GPC6: variants seen among roughly 807,000 people sequenced by gnomAD.
GPC6 encodes glypican-6.
GPC6 carries 14 observed loss-of-function variants against 55.2 expected under a neutral mutation model. The observed-to-expected ratio is 0.25, with a 90% CI of 0.17 to 0.40. GPC6 has a LOEUF of 0.40. Among genes scored for constraint, GPC6 ranks in the 10% least tolerant of loss-of-function variants. The pLI is 1.00. For missense variants in GPC6, 641 were observed against 708.5 expected, an observed-to-expected ratio of 0.90 and a Z score of 1.08; for synonymous variants, 278 against 259.6, an observed-to-expected ratio of 1.07 and a Z score of -0.68.
At chr13:94,217,540 C>T (rs1033854212) in intron 4 of GPC6, among the ~76,000 whole-genome samples, 1 of 152,138 alleles carries the variant, frequency 6.6e-6, no homozygotes, top group African/African-American at 2.4e-5. Context: ...ACGGCCCCAG[C>T]GACAGTTGGG....
intron 4 of GPC6, among the ~76,000 whole-genome samples, chr13:94,149,989 A>AAG (rs112207992): frequency 0.22 from 32,973 of 151,870 alleles, 4,493 homozygotes; most frequent in African/African-American, 0.39. Flanking sequence ...CTCAGGAAAA[A>AAG]AGGTATAGGC....
chr13:93,615,928 G>T (rs1878698280), intron 2 of GPC6, among the ~76,000 whole-genome samples: 1 of 152,226 alleles, frequency 6.6e-6, no homozygotes. Context: ...TCACTCAGTA[G>T]TAACTAAACT....
At chr13:93,331,996 A>G (rs1243481197) in intron 1 of GPC6, among the ~76,000 whole-genome samples, 1 of 151,556 alleles carries the variant, frequency 6.6e-6, no homozygotes, top group Non-Finnish European at 1.5e-5. Flanking sequence ...TTCACTTAAC[A>G]TGATGTCCTC....
intron 3 of GPC6, among the ~76,000 whole-genome samples, chr13:93,901,086 T>C (rs1174108237): frequency 1.3e-5 from 2 of 152,178 alleles, no homozygotes; most frequent in Non-Finnish European, 2.9e-5. Flanking sequence ...GCAGACTTTT[T>C]ATATTCATAT....
At chr13:93,505,837 G>A (rs1880691631) in intron 1 of GPC6, among the ~76,000 whole-genome samples, 1 of 152,186 alleles carries the variant, frequency 6.6e-6, no homozygotes, top group East Asian at 1.9e-4. Context: ...GAATGACTAT[G>A]AAAGTGCTGT....
intron 2 of GPC6, among the ~76,000 whole-genome samples, chr13:93,670,539 G>A (rs1324183034): frequency 1.1e-4 from 16 of 152,160 alleles, no homozygotes; most frequent in Non-Finnish European, 1.8e-4. Context: ...GTCATATAAT[G>A]TGTGGGAATG....
intron 1 of GPC6, among the ~76,000 whole-genome samples, chr13:93,278,312 C>G (rs1434404040): frequency 6.6e-6 from 1 of 152,184 alleles, no homozygotes; most frequent in Middle Eastern, 3.4e-3. Flanking sequence ...GCCATCTTAA[C>G]CATTTTTAAG....
intron 2 of GPC6, among the ~76,000 whole-genome samples, chr13:93,812,047 T>C (rs923732851): frequency 2.6e-5 from 4 of 151,528 alleles, no homozygotes; most frequent in Non-Finnish European, 5.9e-5. Context: ...GTGTTATATT[T>C]AGGTCTCAGT....
At position 94,082,397 on chromosome 13, in the gene GPC6, A is replaced by G. The variant is rs184683096; in HGVS notation, c.877+54503A>G. Among the ~76,000 whole-genome samples, 56 of 152,170 alleles carry G rather than the reference A, an allele frequency of 3.7e-4. 1 individual carries two copies. Among genetic ancestry groups the G allele is most frequent in the African/African-American group, 1.3e-3 (54 of 41,526 alleles). On this transcript the variant is annotated intron_variant, in intron 4 of 8. Coordinates refer to ENST00000377047, the MANE Select transcript of GPC6 (RefSeq NM_005708.5). Reference sequence around the variant, plus strand: ...GCGCTCATGTTTTCAATCCAAACTTATTTCTTTCCACTCTCCCAAACATTA... The same window carrying G: ...GCGCTCATGTTTTCAATCCAAACTTGTTTCTTTCCACTCTCCCAAACATTA...
chr13:94,288,866 ATTTGT>A (rs1874730600), intron 5 of GPC6, among the ~76,000 whole-genome samples: 4 of 48,518 alleles, frequency 8.2e-5, no homozygotes, highest in African/African-American at 1.4e-4. Flanking sequence ...AAATATATAT[ATTTGT>A]TATATATATA....
rs77322869 is a variant in GPC6, at chr13:93,995,427, A to G, written c.712-32302A>G. On this transcript the variant is annotated intron_variant, in intron 3 of 8. Coordinates refer to ENST00000377047, the MANE Select transcript of GPC6 (RefSeq NM_005708.5). Reference sequence around the variant, plus strand: ...GGTCTCGATCTCCTAACCTCAAGTGATCCGTCCACCTTGGCCTCCCAAAGT... The same window carrying G: ...GGTCTCGATCTCCTAACCTCAAGTGGTCCGTCCACCTTGGCCTCCCAAAGT... Among the ~76,000 whole-genome samples, 720 of 152,162 alleles carry G rather than the reference A, an allele frequency of 4.7e-3. 7 individuals carry two copies. The highest frequency in any genetic ancestry group is 0.015 in the African/African-American group (616 of 41,508).
chr13:93,942,980 A>G (rs1037395806), intron 3 of GPC6, among the ~76,000 whole-genome samples: 1 of 151,666 alleles, frequency 6.6e-6, no homozygotes, highest in Admixed American at 6.6e-5. Flanking sequence ...CTCTTTGCAA[A>G]CTCAACTCAA....
intron 2 of GPC6, among the ~76,000 whole-genome samples, chr13:93,822,449 A>G (rs1314241336): frequency 6.6e-6 from 1 of 152,176 alleles, no homozygotes; most frequent in East Asian, 1.9e-4. Flanking sequence ...GAAAATTATT[A>G]TTATTATTTT....
intron 1 of GPC6, among the ~76,000 whole-genome samples, chr13:93,231,405 A>ATG (rs1566533677): frequency 5.7e-5 from 2 of 35,278 alleles, no homozygotes; most frequent in Non-Finnish European, 1.1e-4. Context: ...ATGTATATAT[A>ATG]TATATATATA....
chr13:93,921,958 A>T (rs947265628), intron 3 of GPC6, among the ~76,000 whole-genome samples: 3 of 152,032 alleles, frequency 2.0e-5, no homozygotes, highest in Non-Finnish European at 4.4e-5. Context: ...GGAGAAAAAA[A>T]AAATCTTCCT....
chr13:94,070,770 C>T (rs974457157), intron 4 of GPC6, among the ~76,000 whole-genome samples: 1 of 152,182 alleles, frequency 6.6e-6, no homozygotes, highest in African/African-American at 2.4e-5. Context: ...CTCTCTACTA[C>T]TAAAAGTTTC....
chr13:94,203,398 G>A (rs1443179168), intron 4 of GPC6, among the ~76,000 whole-genome samples: 2 of 151,856 alleles, frequency 1.3e-5, no homozygotes, highest in East Asian at 3.9e-4. Context: ...CATTTATATT[G>A]GTTCTGGAAA....
At position 94,031,792 on chromosome 13, in the gene GPC6, C is replaced by T. The variant is rs151021112; in HGVS notation, c.877+3898C>T. The stretch of plus-strand genomic sequence containing the variant: ...TTTGAGTGTTTGGCATTGTTATCAA[C>T]GCTCCATAGATAAGAATTGTTCTAT... On this transcript the variant is annotated intron_variant, in intron 4 of 8. Transcript: ENST00000377047. Among the ~76,000 whole-genome samples the T allele has an allele frequency of 1.1e-3, 173 of 152,284 alleles. 2 individuals carry two copies. The highest frequency in any genetic ancestry group is 6.8e-3 in the Middle Eastern group (2 of 294).
chr13:93,781,205 G>A (rs1163637246), intron 2 of GPC6, among the ~76,000 whole-genome samples: 2 of 151,584 alleles, frequency 1.3e-5, no homozygotes, highest in African/African-American at 4.9e-5. Context: ...GAACCTGGGA[G>A]GCGGAGGTTG....
Sources: gnomAD v4.1 joint callset for allele counts (sites outside exome capture counted in the v4.1 genomes callset) on GRCh38, gnomAD v4.1.1 for gene constraint, MANE v1.5 for transcripts, NCBI Gene and HGNC (gene_info 2026-07-23, HGNC 2026-07-21) for gene names.